Variants in CADPS2 observed in about 807,000 individuals in gnomAD.
CADPS2 encodes calcium-dependent secretion activator 2.
CADPS2 carries 93 observed loss-of-function variants against 172.5 expected under a neutral mutation model. The ratio of observed to expected loss-of-function variants is 0.54; its 90% CI spans 0.46 to 0.64. The LOEUF (loss-of-function observed/expected upper bound fraction) is 0.64, where lower values mean the gene tolerates loss of function less well. Among genes scored for constraint, CADPS2 ranks in the 30% least tolerant of loss-of-function variants. The pLI is 0.00. For missense variants in CADPS2, 1,420 were observed against 1,565.9 expected (o/e 0.91, Z 1.57); for synonymous variants, 546 against 555.2 (o/e 0.98, Z 0.23).
At chr7:122,450,450 GA>G (rs1258892569) in intron 15 of CADPS2, among the ~76,000 whole-genome samples, 1 of 146,028 alleles carries the variant, frequency 6.8e-6, no homozygotes, top group Non-Finnish European at 1.5e-5. Context: ...ATAACCAGGA[GA>G]AAAGAAATAT....
intron 25 of CADPS2, among the ~76,000 whole-genome samples, chr7:122,364,252 A>C (rs2040554703): frequency 6.6e-6 from 1 of 151,816 alleles, no homozygotes; most frequent in African/African-American, 2.4e-5. Flanking sequence ...CTCTACAAAA[A>C]AAAATTAAAA....
At chr7:122,388,504 T>C (rs2043961391) in intron 23 of CADPS2, 79 bp downstream of exon 23, 1 of 1,334,952 alleles carries the variant, frequency 7.5e-7, no homozygotes, top group Non-Finnish European at 1.0e-6. Flanking sequence ...GCTGTGACAA[T>C]AATATATTAG....
chr7:122,862,221 A>G (rs545573106), intron 1 of CADPS2, among the ~76,000 whole-genome samples: 1 of 152,200 alleles, frequency 6.6e-6, no homozygotes, highest in Non-Finnish European at 1.5e-5. Context: ...TGATTCTCAA[A>G]CTAAATCAGA....
At chr7:122,395,780 A>G (rs1156465465) in intron 20 of CADPS2, among the ~76,000 whole-genome samples, 5 of 150,848 alleles carry the variant, frequency 3.3e-5, no homozygotes, top group Admixed American at 6.6e-5. Context: ...TTTAATCATC[A>G]CAGAAACTCT....
intron 3 of CADPS2, among the ~76,000 whole-genome samples, chr7:122,637,378 G>T (rs890737232): frequency 1.2e-4 from 18 of 151,488 alleles, no homozygotes; most frequent in Non-Finnish European, 7.4e-5. Context: ...TAGAGAACAG[G>T]AGGCTGACCT....
chr7:122,813,226 A>C (rs148770807), intron 1 of CADPS2, among the ~76,000 whole-genome samples: 1 of 152,138 alleles, frequency 6.6e-6, no homozygotes, highest in Non-Finnish European at 1.5e-5. Flanking sequence ...GAAGTAAGTC[A>C]ATACCTACAT....
At chr7:122,652,678 T>C (rs1489456210) in intron 3 of CADPS2, among the ~76,000 whole-genome samples, 2 of 152,326 alleles carry the variant, frequency 1.3e-5, no homozygotes, top group Middle Eastern at 3.4e-3. Context: ...TGTTGATCTT[T>C]ACTTTTTTCT....
chr7:122,697,694 C>T (rs1249210801), intron 2 of CADPS2: 4 of 934,688 alleles, frequency 4.3e-6, no homozygotes, highest in African/African-American at 1.7e-5. Context: ...CAAAAAAGGA[C>T]ACAAAAACCA....
chr7:122,699,492 A>G (rs1030828781), intron 2 of CADPS2, among the ~76,000 whole-genome samples: 1 of 152,238 alleles, frequency 6.6e-6, no homozygotes, highest in Admixed American at 6.5e-5. Context: ...GTGAGGCAAA[A>G]GTGGTGAGCT....
chr7:122,635,918 G>A (rs781285008), intron 3 of CADPS2, among the ~76,000 whole-genome samples: 7 of 76,302 alleles, frequency 9.2e-5, no homozygotes, highest in Admixed American at 1.7e-4. Flanking sequence ...TATGAGAATA[G>A]CAGCTCCCAC....
intron 22 of CADPS2, among the ~76,000 whole-genome samples, chr7:122,389,203 T>C (rs1309603059): frequency 6.6e-6 from 1 of 152,022 alleles, no homozygotes; most frequent in Non-Finnish European, 1.5e-5. Context: ...GTGTAGAACA[T>C]AGGGTCCTTG....
Position 122,566,328 on chromosome 7 carries a change from A to T in CADPS2, c.1336-11639T>A, listed in dbSNP as rs138030247. On this transcript the variant is annotated intron_variant, in intron 7 of 29. Coordinates refer to ENST00000449022, the MANE Select transcript of CADPS2 (RefSeq NM_017954.11). The stretch of plus-strand genomic sequence containing the variant: ...CATATTGTTGGTAGGAATGTGCATT[A>T]ATATAGCCATTTCAGAAAACAGTAT... 4.9e-3 allele frequency among the ~76,000 whole-genome samples: 747 copies of T among 152,280 alleles called. 20 individuals are homozygous for T. The highest frequency in any genetic ancestry group is 0.046 in the Admixed American group (703 of 15,274).
At chr7:122,803,507 T>C (rs1260252697) in intron 1 of CADPS2, among the ~76,000 whole-genome samples, 1 of 152,134 alleles carries the variant, frequency 6.6e-6, no homozygotes, top group Non-Finnish European at 1.5e-5. Flanking sequence ...TTCTATGGTG[T>C]TTTCTATCAG....
intron 3 of CADPS2, among the ~76,000 whole-genome samples, chr7:122,655,949 G>A (rs764005700): frequency 2.3e-4 from 35 of 152,030 alleles, no homozygotes; most frequent in Non-Finnish European, 4.1e-4. Flanking sequence ...TAAAAAGTTG[G>A]GCAAGCTGCA....
At chr7:122,449,823 T>C (rs1280418538) in intron 15 of CADPS2, among the ~76,000 whole-genome samples, 1 of 152,148 alleles carries the variant, frequency 6.6e-6, no homozygotes, top group African/African-American at 2.4e-5. Context: ...TTCTCCACTG[T>C]GGGATTGTCT....
intron 1 of CADPS2, among the ~76,000 whole-genome samples, chr7:122,874,449 C>A (rs1171457641): frequency 6.6e-6 from 1 of 152,168 alleles, no homozygotes; most frequent in Non-Finnish European, 1.5e-5. Context: ...ATGAAAATGG[C>A]CACACTACCC....
At chr7:122,675,892 T>C (rs533333698) in intron 2 of CADPS2, among the ~76,000 whole-genome samples, 5 of 152,058 alleles carry the variant, frequency 3.3e-5, no homozygotes, top group African/African-American at 1.2e-4. Context: ...AAATTTAGAC[T>C]ATGGGTTGAT....
chr7:122,803,706 G>A (rs1041543469), intron 1 of CADPS2, among the ~76,000 whole-genome samples: 1 of 151,884 alleles, frequency 6.6e-6, no homozygotes, highest in African/African-American at 2.4e-5. Flanking sequence ...TATGTCTGTG[G>A]GATCGGTGGT....
chr7:122,351,673 T>C (rs1342712815), intron 27 of CADPS2, among the ~76,000 whole-genome samples: 1 of 152,110 alleles, frequency 6.6e-6, no homozygotes, highest in Non-Finnish European at 1.5e-5. Flanking sequence ...GTTCTTGTCC[T>C]GGATCAGGGT....
Sources: allele counts gnomAD v4.1 joint callset (sites outside exome capture counted in the v4.1 genomes callset), GRCh38; gene constraint gnomAD v4.1.1; transcripts MANE v1.5; gene names NCBI Gene and HGNC (gene_info 2026-07-23, HGNC 2026-07-21).